The following NUDCD1 variants were observed in gnomAD, a reference collection of about 807,000 sequenced individuals.
NUDCD1 encodes the protein nudC domain-containing protein 1.
Under a neutral mutation model 67.8 loss-of-function variants are expected in NUDCD1, and 60 were observed. That is an observed-to-expected ratio of 0.88 (90% confidence interval 0.72 to 1.10). NUDCD1 has a LOEUF of 1.10. Among genes scored for constraint, NUDCD1 ranks in the 50% least tolerant of loss-of-function variants. The pLI is 0.00. For synonymous variants in NUDCD1, 244 were observed against 230.8 expected, an observed-to-expected ratio of 1.06 and a Z score of -0.52; for missense variants, 643 against 695.0, an observed-to-expected ratio of 0.93 and a Z score of 0.84.
chr8:109,331,072 T>C (rs1815793771), intron 1 of NUDCD1, among the ~76,000 whole-genome samples: 2 of 150,948 alleles, frequency 1.3e-5, no homozygotes, highest in African/African-American at 4.9e-5. Context: ...GTCGGAGCAG[T>C]GGCTCAGGCC....
chr8:109,298,694 T>C (rs1472899035), intron 2 of NUDCD1: 4 of 152,046 alleles, frequency 2.6e-5, no homozygotes, highest in Non-Finnish European at 4.4e-5. Context: ...CCCTTAAAAC[T>C]TAACAAGAAA....
intron 8 of NUDCD1, among the ~76,000 whole-genome samples, chr8:109,255,826 G>A (rs1259652918): frequency 6.6e-6 from 1 of 152,142 alleles, no homozygotes; most frequent in East Asian, 1.9e-4. Context: ...AACATTTCAG[G>A]CAGAGATAAT....
intron 8 of NUDCD1, among the ~76,000 whole-genome samples, chr8:109,256,466 C>T (rs1028720184): frequency 6.9e-6 from 1 of 144,454 alleles, no homozygotes; most frequent in African/African-American, 2.5e-5. Flanking sequence ...GTCTCAAACA[C>T]GTATCACCTA....
chr8:109,264,609 TA>T (rs1450657500), intron 8 of NUDCD1, among the ~76,000 whole-genome samples: 1 of 152,216 alleles, frequency 6.6e-6, no homozygotes, highest in Non-Finnish European at 1.5e-5. Context: ...TTGCAACTAA[TA>T]TTTAAGAAAT....
At position 109,322,409 on chromosome 8, in the gene NUDCD1, G is replaced by A; in HGVS notation, c.173C>T (p.Ala58Val). ...GTGCAGGTAATTATACATTCCAAAA[G>A]CATGCATGTGTTCCAGTGTATATTG... ...DDQYTLEHMHAFGMYNYLHCD... is the reference protein window; with the variant it reads ...DDQYTLEHMHVFGMYNYLHCD... Residue 58 changes from alanine to valine, a missense_variant, in exon 2 of 10, where the codon GCT becomes GTT. Transcript: ENST00000239690. The A allele has an allele frequency of 6.2e-7, 1 of 1,605,488 alleles. No homozygotes were observed. The highest frequency in any genetic ancestry group is 8.5e-7 in the Non-Finnish European group (1 of 1,172,950).
At chr8:109,260,830 C>T (rs997083225) in intron 8 of NUDCD1, among the ~76,000 whole-genome samples, 3 of 152,206 alleles carry the variant, frequency 2.0e-5, no homozygotes, top group Non-Finnish European at 4.4e-5. Flanking sequence ...CACTTTCCTA[C>T]ACTATAATTA....
At chr8:109,286,171 A>T (rs1420678385) in intron 5 of NUDCD1, among the ~76,000 whole-genome samples, 1 of 152,200 alleles carries the variant, frequency 6.6e-6, no homozygotes, top group Non-Finnish European at 1.5e-5. Flanking sequence ...AGACAACTGG[A>T]AAGACATTCC....
intron 8 of NUDCD1, among the ~76,000 whole-genome samples, chr8:109,270,402 G>A (rs963909489): frequency 6.6e-6 from 1 of 151,376 alleles, no homozygotes; most frequent in Non-Finnish European, 1.5e-5. Context: ...TGAAGGTGAA[G>A]ATGCAGTGAA....
rs2130134439 is a variant in NUDCD1, at chr8:109,322,552, AT to A, written c.119-90del. 5 of 918,292 alleles carry A rather than the reference AT, an allele frequency of 5.4e-6. No homozygotes were observed. The East Asian group carries it at 7.4e-5, about 14-fold the overall frequency. 56.9% of individuals were successfully genotyped at this position (918,292 alleles called of 1,614,324 possible). A position where few individuals can be genotyped will look rare whatever the true frequency, so the allele number is the denominator to read the frequency against. On this transcript the variant is annotated intron_variant, in intron 1 of 9. Coordinates refer to ENST00000239690, the MANE Select transcript of NUDCD1 (RefSeq NM_032869.4). Reference sequence around the variant, plus strand: ...GAATGCCTACAAGGCAAAAAAAAAAATCACAGAATGCCAATCACAAAGGCCT... The same window carrying A: ...GAATGCCTACAAGGCAAAAAAAAAAACACAGAATGCCAATCACAAAGGCCT...
intron 6 of NUDCD1, 107 bp downstream of exon 6, chr8:109,280,861 A>T (rs1267282345): frequency 3.8e-6 from 2 of 527,138 alleles, no homozygotes; most frequent in Non-Finnish European, 6.5e-6. Flanking sequence ...GTAACCAGCA[A>T]TACAGACAGA....
chr8:109,310,884 C>T (rs980549238), intron 2 of NUDCD1, among the ~76,000 whole-genome samples: 5 of 137,212 alleles, frequency 3.6e-5, no homozygotes, highest in East Asian at 2.1e-4. Context: ...GGTGCGATCT[C>T]GGCTCACTGA....
In NUDCD1 at chr8:109,289,786, T is replaced by C. The variant is rs771312757; in HGVS notation, c.788A>G (p.Glu263Gly). The C allele has an allele frequency of 3.9e-6, 6 of 1,547,642 alleles. No individual in the cohort carries two copies. The African/African-American group carries it at 6.9e-5, about 18-fold the overall frequency. ...CTCTGATATGTCTTCATCCATATTT[T>C]CTTCAAGATCTTGACCAGCCTGAAC... The part of the protein sequence containing the change: ...TFVQAGQDLE[E>G]NMDEDISEKI... The change falls in exon 5 of 10, where the codon GAA (glutamate) becomes GGA (glycine). Residue 263 changes from glutamate (E) to glycine (G), a missense_variant. Transcript: ENST00000239690.
chr8:109,281,132 T>G lies in NUDCD1; in HGVS notation c.864A>C (p.Thr288=). 2 of 1,613,440 alleles carry G rather than the reference T, an allele frequency of 1.2e-6. No homozygotes were observed. The highest frequency in any genetic ancestry group is 1.3e-5 in the African/African-American group (1 of 75,024). The change falls in exon 6 of 10, where the codon ACA becomes ACC. Residue 288 remains threonine (T), a synonymous_variant. Transcript: ENST00000239690. ...YYWQQTEDDL[T]VTIRLPEDST... is the part of the protein sequence containing the mutation. Reference sequence around the variant, plus strand: ...TGTCTTCTGGAAGCCGTATGGTTACTGTCAAATCATCTTCAGTCTGTTGCC... The same window carrying G: ...TGTCTTCTGGAAGCCGTATGGTTACGGTCAAATCATCTTCAGTCTGTTGCC...
chr8:109,333,223 T>C (rs1815853626), intron 1 of NUDCD1, among the ~76,000 whole-genome samples: 1 of 152,114 alleles, frequency 6.6e-6, no homozygotes, highest in Non-Finnish European at 1.5e-5. Flanking sequence ...TCAGCAGGGG[T>C]GTGAATTTTA....
At chr8:109,277,584 C>A (rs1392107818) in intron 6 of NUDCD1, among the ~76,000 whole-genome samples, 1 of 152,048 alleles carries the variant, frequency 6.6e-6, no homozygotes, top group Non-Finnish European at 1.5e-5. Flanking sequence ...TACTCAAGTA[C>A]AGAAAATCGT....
At chr8:109,320,606 T>A (rs1203414195) in intron 2 of NUDCD1, among the ~76,000 whole-genome samples, 1 of 152,126 alleles carries the variant, frequency 6.6e-6, no homozygotes. Context: ...GCGATAGACA[T>A]CCTCCTCAGC....
intron 7 of NUDCD1, among the ~76,000 whole-genome samples, chr8:109,271,387 G>A (rs1489203106): frequency 2.0e-5 from 3 of 152,138 alleles, no homozygotes; most frequent in Non-Finnish European, 4.4e-5. Context: ...GAAAGAGAGA[G>A]ATGAAAGAAC....
intron 3 of NUDCD1, among the ~76,000 whole-genome samples, chr8:109,294,030 C>T (rs2130034378): frequency 6.6e-6 from 1 of 151,734 alleles, no homozygotes; most frequent in Admixed American, 6.6e-5. Context: ...CACACAAAAT[C>T]TTGTCTAAGC....
At chr8:109,275,001 T>C (rs1406949942) in intron 7 of NUDCD1, among the ~76,000 whole-genome samples, 1 of 152,156 alleles carries the variant, frequency 6.6e-6, no homozygotes, top group Non-Finnish European at 1.5e-5. Context: ...TAGGGATAAG[T>C]AGATTCTTAG....
Sources: allele counts gnomAD v4.1 joint callset (sites outside exome capture counted in the v4.1 genomes callset), GRCh38; gene constraint gnomAD v4.1.1; transcripts MANE v1.5; gene names NCBI Gene and HGNC (gene_info 2026-07-23, HGNC 2026-07-21).